Variants in YEATS2 observed in about 807,000 individuals in gnomAD.
The protein encoded by YEATS2 is YEATS domain-containing protein 2.
Under a neutral mutation model 163.2 loss-of-function variants are expected in YEATS2, and 77 were observed. The ratio of observed to expected loss-of-function variants is 0.47; its 90% CI spans 0.39 to 0.57. The LOEUF (loss-of-function observed/expected upper bound fraction) is 0.57, where lower values mean the gene tolerates loss of function less well. YEATS2 is among the 20% of genes least tolerant of loss of function. The pLI is 0.00. For missense variants in YEATS2, 1,549 were observed against 1,729.8 expected (o/e 0.90, Z 1.85); for synonymous variants, 631 against 645.1 (o/e 0.98, Z 0.33).
rs1264059378 is a variant in YEATS2, at chr3:183,768,551, T to C, written c.1948-3754T>C. On this transcript the variant is annotated intron_variant, in intron 15 of 30. Transcript: ENST00000305135. ...GCTACATTAAGAAGGGTTTTTTTTT[T>C]CTTTCATAAATATACAGAAAAGTTC... Among the ~76,000 whole-genome samples, 7 of 152,198 alleles carry C rather than the reference T, an allele frequency of 4.6e-5. No individual in the cohort carries two copies. The East Asian group carries it at 9.6e-4, about 21-fold the overall frequency.
chr3:183,764,567 T>C (rs1425866420), intron 15 of YEATS2, among the ~76,000 whole-genome samples: 5 of 152,058 alleles, frequency 3.3e-5, no homozygotes, highest in African/African-American at 9.7e-5. Context: ...TCCAGCACTT[T>C]GGGAGGTCAA....
At chr3:183,765,279 A>G (rs574731093) in intron 15 of YEATS2, among the ~76,000 whole-genome samples, 1 of 152,308 alleles carries the variant, frequency 6.6e-6, no homozygotes, top group Non-Finnish European at 1.5e-5. Context: ...CTTTGAATCA[A>G]CTTAGCATTG....
intron 17 of YEATS2, 22 bp downstream of exon 17, chr3:183,773,816 A>T: frequency 6.9e-6 from 11 of 1,589,800 alleles, no homozygotes; most frequent in Non-Finnish European, 9.4e-6. Flanking sequence ...CATTGGGTTG[A>T]ATCATTTGGT....
intron 8 of YEATS2, among the ~76,000 whole-genome samples, chr3:183,738,184 G>A (rs185972172): frequency 9.0e-4 from 136 of 151,728 alleles, no homozygotes; most frequent in African/African-American, 3.2e-3. Context: ...CCTATCCTCT[G>A]AGAACAACAA....
chr3:183,755,967 A>C (rs1279124442), intron 11 of YEATS2, among the ~76,000 whole-genome samples: 6 of 151,916 alleles, frequency 3.9e-5, no homozygotes. Context: ...GCTGGTCTCG[A>C]ACTCACAACC....
At chr3:183,751,109 G>A (rs1464021288) in intron 9 of YEATS2, among the ~76,000 whole-genome samples, 1 of 152,146 alleles carries the variant, frequency 6.6e-6, no homozygotes, top group Non-Finnish European at 1.5e-5. Context: ...TTGATCCTGA[G>A]TTAATTTTGG....
At chr3:183,716,745 A>C (rs1197525437) in intron 2 of YEATS2, among the ~76,000 whole-genome samples, 1 of 152,078 alleles carries the variant, frequency 6.6e-6, no homozygotes, top group Non-Finnish European at 1.5e-5. Context: ...ACCCCCTTTC[A>C]AGCAGGGGCA....
chr3:183,796,555 C>G (rs538408940), intron 21 of YEATS2, among the ~76,000 whole-genome samples: 1 of 150,088 alleles, frequency 6.7e-6, no homozygotes, highest in Non-Finnish European at 1.5e-5. Flanking sequence ...GGTGTGTAGA[C>G]AGATGCACAT....
intron 13 of YEATS2, among the ~76,000 whole-genome samples, chr3:183,761,047 G>A (rs1317493252): frequency 6.6e-6 from 1 of 152,040 alleles, no homozygotes; most frequent in African/African-American, 2.4e-5. Flanking sequence ...ATATTAAAAT[G>A]CAGGTGTAGA....
At chr3:183,714,277 G>C (rs1268632420) in intron 1 of YEATS2, among the ~76,000 whole-genome samples, 2 of 149,572 alleles carry the variant, frequency 1.3e-5, no homozygotes, top group African/African-American at 2.5e-5. Context: ...CTCACTGCAA[G>C]CTCTGCCTCC....
chr3:183,801,508 T>A lies in YEATS2; in HGVS notation c.3482T>A (p.Ile1161Asn). ...CTCCTAACTGCAGTAGTAAAGAAGA[T>A]TCCATTAATCACTGCAAAAAGTAAG... ...QQLLTAVVKK[I>N]PLITAKSEDA... The change falls in exon 25 of 31, where the codon ATT becomes AAT. Residue 1161 changes from isoleucine to asparagine, a missense_variant. Physicochemically the swap from Ile to Asn is moderately radical, Grantham distance 149. Coordinates refer to ENST00000305135, the MANE Select transcript of YEATS2 (RefSeq NM_018023.5). The A allele has an allele frequency of 6.2e-7, 1 of 1,610,982 alleles. No individual in the cohort carries two copies. Among genetic ancestry groups the A allele is most frequent in the Non-Finnish European group, 8.5e-7 (1 of 1,178,462 alleles).
At chr3:183,741,992 T>C (rs1438316960) in intron 8 of YEATS2, among the ~76,000 whole-genome samples, 1 of 150,744 alleles carries the variant, frequency 6.6e-6, no homozygotes, top group African/African-American at 2.4e-5. Flanking sequence ...AAGGATTGTG[T>C]GAGCCCAGGA....
intron 20 of YEATS2, among the ~76,000 whole-genome samples, chr3:183,786,956 CT>C (rs375547343): frequency 9.3e-4 from 141 of 151,998 alleles, no homozygotes; most frequent in African/African-American, 3.4e-3. Context: ...TATAAGGTAA[CT>C]TTTTTTGTTG....
rs762708818 is a variant in YEATS2, at chr3:183,772,417, T to C, written c.2060T>C (p.Val687Ala). The change falls in exon 16 of 31, where the codon GTT becomes GCT. Residue 687 changes from valine to alanine, a missense_variant. Coordinates refer to ENST00000305135, the MANE Select transcript of YEATS2 (RefSeq NM_018023.5). ...AKASSSVSKA[V>A]GPKQVVTQGV... ...GCCAGCTCTTCTGTCTCCAAAGCAG[T>C]TGGGCCAAAGCAAGTTGTAACCCAA... is the stretch of plus-strand genomic sequence containing the variant. The C allele has an allele frequency of 1.2e-6, 2 of 1,614,004 alleles. No homozygotes were observed. The highest frequency in any genetic ancestry group is 1.7e-6 in the Non-Finnish European group (2 of 1,180,022).
At chr3:183,731,968 G>T (rs764163774) in intron 7 of YEATS2, among the ~76,000 whole-genome samples, 2 of 152,084 alleles carry the variant, frequency 1.3e-5, no homozygotes, top group Non-Finnish European at 2.9e-5. Context: ...TATTTTAAAA[G>T]AGATTATTGG....
intron 9 of YEATS2, among the ~76,000 whole-genome samples, chr3:183,750,570 C>T (rs1422176377): frequency 3.9e-5 from 6 of 152,182 alleles, no homozygotes; most frequent in African/African-American, 1.2e-4. Context: ...AGTTTCTCCA[C>T]GTCTTCACCA....
At chr3:183,756,436 G>A (rs1270083763) in intron 11 of YEATS2, 92 bp from the exon 12 acceptor site, 8 of 1,243,248 alleles carry the variant, frequency 6.4e-6, no homozygotes, top group Middle Eastern at 2.0e-4. Context: ...CCTTTGTCCT[G>A]GTGGCACTGA....
At position 183,715,235 on chromosome 3, in the gene YEATS2, A is replaced by G. The variant is rs1432885925; in HGVS notation, c.73A>G (p.Lys25Glu). ...YEDVSVALPN[K>E]RHKAIENSAR... is the part of the protein sequence containing the mutation. ...GGATGTATCTGTGGCCCTTCCAAATAAGCGGCATAAAGCAATTGAGAATTC... is the reference window on the plus strand; with the variant it reads ...GGATGTATCTGTGGCCCTTCCAAATGAGCGGCATAAAGCAATTGAGAATTC... The change falls in exon 2 of 31, where the codon AAG (lysine) becomes GAG (glutamate). Residue 25 changes from lysine to glutamate, a missense_variant. Transcript: ENST00000305135. 7 of 1,610,274 alleles carry G rather than the reference A, an allele frequency of 4.3e-6. No homozygotes were observed. Among genetic ancestry groups the G allele is most frequent in the Non-Finnish European group, 5.9e-6 (7 of 1,179,290 alleles).
Position 183,756,689 on chromosome 3 carries a change from G to C in YEATS2, c.1552G>C (p.Gly518Arg), listed in dbSNP as rs1720808849. 2 of 1,555,580 alleles carry C rather than the reference G, an allele frequency of 1.3e-6. No individual in the cohort carries two copies. Among genetic ancestry groups the C allele is most frequent in the African/African-American group, 1.4e-5 (1 of 72,814 alleles). The stretch of plus-strand genomic sequence containing the variant: ...GATTGGAGCCACCACTCCCAGTACA[G>C]GTGTGTATTAGATCCATATTTGTAC... ...QVIGATTPST[G>R]SPTNKISTAS... The change falls in exon 12 of 31, where the codon GGA becomes CGA. Residue 518 changes from glycine to arginine, a missense_variant and splice_region_variant. By Grantham distance (125) the Gly-to-Arg change is moderately radical. Coordinates refer to ENST00000305135, the MANE Select transcript of YEATS2 (RefSeq NM_018023.5).
Sources: gnomAD v4.1 joint callset for allele counts (sites outside exome capture counted in the v4.1 genomes callset) on GRCh38, gnomAD v4.1.1 for gene constraint, MANE v1.5 for transcripts, NCBI Gene and HGNC (gene_info 2026-07-23, HGNC 2026-07-21) for gene names.